Variants in SPINK9 observed in about 807,000 individuals in gnomAD.
SPINK9 encodes serine protease inhibitor Kazal-type 9.
SPINK9 carries 3 observed loss-of-function variants against 10.8 expected under a neutral mutation model. That is an observed-to-expected ratio of 0.28 (90% CI 0.13 to 0.72). The LOEUF (loss-of-function observed/expected upper bound fraction) is 0.72, where lower values mean the gene tolerates loss of function less well. SPINK9 is among the 30% of genes least tolerant of loss of function. The pLI is 0.74. For synonymous variants in SPINK9, 30 were observed against 31.2 expected (o/e 0.96, Z 0.12); for missense variants, 101 against 103.2 (o/e 0.98, Z 0.09).
upstream of SPINK9, among the ~76,000 whole-genome samples, chr5:148,331,661 G>A (rs1445533027): frequency 1.3e-5 from 2 of 152,106 alleles, no homozygotes; most frequent in African/African-American, 4.8e-5. Context: ...TATTTGAAGT[G>A]ATTGATATGT....
At chr5:148,331,015 T>A (rs1209731339), upstream of SPINK9, among the ~76,000 whole-genome samples, 2 of 152,208 alleles carry the variant, frequency 1.3e-5, no homozygotes, top group Non-Finnish European at 2.9e-5. Context: ...GAAAGGGAAT[T>A]CCCTGACCCC....
At chr5:148,337,940 C>G (rs1273215215) in intron 2 of SPINK9, among the ~76,000 whole-genome samples, 2 of 152,078 alleles carry the variant, frequency 1.3e-5, no homozygotes, top group Non-Finnish European at 2.9e-5. Context: ...TGGTTCCCAA[C>G]TACAATATTA....
chr5:148,334,307 G>T (rs759081370), upstream of SPINK9, among the ~76,000 whole-genome samples: 2 of 152,110 alleles, frequency 1.3e-5, no homozygotes, highest in Non-Finnish European at 2.9e-5. Flanking sequence ...AATTTAGTAA[G>T]TTCTTTACTA....
At chr5:148,331,719 C>T (rs1004208475), upstream of SPINK9, among the ~76,000 whole-genome samples, 4 of 152,172 alleles carry the variant, frequency 2.6e-5, no homozygotes, top group Admixed American at 2.0e-4. Context: ...CAAAACATCA[C>T]ATTGTACTCC....
At chr5:148,327,750 T>G (rs1479598650) in intron 2 of SPINK9, among the ~76,000 whole-genome samples, 10 of 151,740 alleles carry the variant, frequency 6.6e-5, no homozygotes, top group East Asian at 3.9e-4. Context: ...CAGCACCATT[T>G]ATTAAATAGG....
In SPINK9 at chr5:148,338,601, G is replaced by A; in HGVS notation, c.211G>A (p.Val71Ile). 3.2e-6 allele frequency: 5 copies of A among 1,571,796 alleles called. No homozygotes were observed. The highest frequency in any genetic ancestry group is 4.3e-6 in the Non-Finnish European group (5 of 1,150,424). Residue 71 changes from valine to isoleucine, a missense_variant, in exon 3 of 4, where the codon GTT (valine) becomes ATT (isoleucine). Transcript: ENST00000377906. The part of the protein sequence containing the change: ...YKNDCFFCSK[V>I]KKTDGTLKFV... ...AAATGATTGCTTCTTCTGTTCTAAA[G>A]TTAAGTAAGTATTAAAATGTTTTCT...
Position 148,339,792 on chromosome 5 carries a change from A to G in SPINK9, c.*80A>G. ...TTTCTGTTCCCATATTATCTATGCC[A>G]CATTGCCTACTCATCACCATATGTA... On this transcript the variant is annotated 3_prime_UTR_variant, in exon 4 of 4. Transcript: ENST00000377906. The G allele has an allele frequency of 8.6e-7, 1 of 1,157,434 alleles. No individual in the cohort carries two copies. Among genetic ancestry groups the G allele is most frequent in the Non-Finnish European group, 1.3e-6 (1 of 773,454 alleles). 71.7% of individuals were successfully genotyped at this position (1,157,434 alleles called of 1,614,324 possible). A position where few individuals can be genotyped will look rare whatever the true frequency, so the allele number is the denominator to read the frequency against.
At chr5:148,333,221 T>C (rs774939056), upstream of SPINK9, among the ~76,000 whole-genome samples, 1 of 152,186 alleles carries the variant, frequency 6.6e-6, no homozygotes, top group Non-Finnish European at 1.5e-5. Context: ...AGCACACTTC[T>C]TTTATCGGTT....
At chr5:148,331,268 C>T (rs73262447), upstream of SPINK9, among the ~76,000 whole-genome samples, 4,382 of 152,270 alleles carry the variant, frequency 0.029, 203 homozygotes, top group African/African-American at 0.099. Flanking sequence ...ATGTGATATA[C>T]ACAATGGAAT....
At chr5:148,336,295 C>T in intron 1 of SPINK9, 127 bp from the exon 2 acceptor site, 1 of 956,948 alleles carries the variant, frequency 1.0e-6, no homozygotes, top group South Asian at 1.5e-5. Flanking sequence ...TGCTGATACA[C>T]AGTTGTGAAG....
intron 1 of SPINK9, among the ~76,000 whole-genome samples, chr5:148,323,519 A>G (rs932536322): frequency 6.6e-6 from 1 of 152,164 alleles, no homozygotes; most frequent in African/African-American, 2.4e-5. Flanking sequence ...ATGTCAATGG[A>G]ATTTATAAGT....
At chr5:148,331,469 T>C (rs1025184548), upstream of SPINK9, among the ~76,000 whole-genome samples, 2 of 152,098 alleles carry the variant, frequency 1.3e-5, no homozygotes, top group Non-Finnish European at 2.9e-5. Flanking sequence ...CCAGAAGCTA[T>C]GGGTCGGGAA....
intron 2 of SPINK9, among the ~76,000 whole-genome samples, chr5:148,325,184 ATAGTTGGGT>A (rs1757043674): frequency 1.3e-5 from 2 of 152,062 alleles, no homozygotes; most frequent in South Asian, 2.1e-4. Flanking sequence ...AAATTGATGG[ATAGTTGGGT>A]TGTTTCCAAT....
chr5:148,323,287 G>T (rs77625197), intron 1 of SPINK9, among the ~76,000 whole-genome samples: 1 of 152,030 alleles, frequency 6.6e-6, no homozygotes, highest in South Asian at 2.1e-4. Context: ...AAAAAGTCAT[G>T]ATATGCCTAT....
Position 148,321,916 on chromosome 5 carries a change from A to AT in SPINK9, c.-73+524dup, listed in dbSNP as rs200160628. On this transcript the variant is annotated intron_variant, in intron 1 of 4. Coordinates refer to the SPINK9 transcript ENST00000511717. ...TGTATACTACTCAAAAGCCCTAGCAATTTTTTTTGTCTAACTTTCAAATAA... is the reference window on the plus strand; with the variant it reads ...TGTATACTACTCAAAAGCCCTAGCAATTTTTTTTTGTCTAACTTTCAAATAA... Among the ~76,000 whole-genome samples, 652 of 152,078 alleles carry AT rather than the reference A, an allele frequency of 4.3e-3. 3 individuals carry two copies. Among genetic ancestry groups the AT allele is most frequent in the Non-Finnish European group, 6.4e-3 (437 of 67,962 alleles).
At chr5:148,328,713 GTGT>G (rs1392971997) in intron 2 of SPINK9, among the ~76,000 whole-genome samples, 4 of 152,278 alleles carry the variant, frequency 2.6e-5, no homozygotes, top group South Asian at 4.1e-4. Context: ...TTAGCATGAA[GTGT>G]TGTTGAATTT....
At chr5:148,326,695 G>C (rs1275980860) in intron 2 of SPINK9, among the ~76,000 whole-genome samples, 1 of 151,810 alleles carries the variant, frequency 6.6e-6, no homozygotes, top group East Asian at 1.9e-4. Flanking sequence ...CCCGGTGTGT[G>C]ATGTTCCCCT....
upstream of SPINK9, among the ~76,000 whole-genome samples, chr5:148,334,399 T>C (rs1442693678): frequency 3.3e-5 from 5 of 152,084 alleles, no homozygotes; most frequent in Non-Finnish European, 7.4e-5. Flanking sequence ...GGACCTTAAA[T>C]AAGTTTGATC....
upstream of SPINK9, among the ~76,000 whole-genome samples, chr5:148,333,227 C>T (rs888782288): frequency 2.0e-5 from 3 of 152,152 alleles, no homozygotes; most frequent in Non-Finnish European, 4.4e-5. Context: ...CTTCTTTTAT[C>T]GGTTTAATAT....
Sources: gnomAD v4.1 joint callset for allele counts (sites outside exome capture counted in the v4.1 genomes callset) on GRCh38, gnomAD v4.1.1 for gene constraint, MANE v1.5 for transcripts, NCBI Gene and HGNC (gene_info 2026-07-23, HGNC 2026-07-21) for gene names.